RYR3: variants seen among roughly 807,000 people sequenced by gnomAD.
RYR3 encodes ryanodine receptor 3, also known as brain ryanodine receptor-calcium release channel.
Under a neutral mutation model 584.3 loss-of-function variants are expected in RYR3, and 207 were observed. The observed-to-expected ratio is 0.35, with a 90% confidence interval of 0.32 to 0.40. The LOEUF is 0.40. Among genes scored for constraint, RYR3 ranks in the 10% least tolerant of loss-of-function variants. RYR3 has a pLI of 1.00. For synonymous variants in RYR3, 2,416 were observed against 2,248.5 expected (o/e 1.07, Z -2.11); for missense variants, 5,616 against 6,089.2 (o/e 0.92, Z 2.59).
intron 22 of RYR3, among the ~76,000 whole-genome samples, chr15:33,630,672 A>C (rs1352348366): frequency 6.6e-6 from 1 of 152,212 alleles, no homozygotes; most frequent in African/African-American, 2.4e-5. Flanking sequence ...ATGGCTTTGT[A>C]CTTCATGGTT....
intron 1 of RYR3, among the ~76,000 whole-genome samples, chr15:33,391,596 A>G (rs940128553): frequency 6.6e-5 from 10 of 150,422 alleles, no homozygotes; most frequent in Non-Finnish European, 1.3e-4. Flanking sequence ...ACTGCAGTCC[A>G]GCCTGGGCGA....
At chr15:33,794,600 T>C (rs1232518147) in intron 67 of RYR3, among the ~76,000 whole-genome samples, 1 of 152,078 alleles carries the variant, frequency 6.6e-6, no homozygotes, top group Non-Finnish European at 1.5e-5. Flanking sequence ...AGACAGAGTA[T>C]GTTGTACTTA....
rs750760036 is a variant in RYR3 at position 33,738,504 on chromosome 15, T to C, written c.7570T>C (p.Trp2524Arg). Residue 2524 changes from tryptophan to arginine, a missense_variant, in exon 50 of 104, where the codon TGG (tryptophan) becomes CGG (arginine). Trp to Arg is a moderately radical substitution (Grantham distance 101, BLOSUM62 -3). Around this residue, in one of 9 missense-constraint regions of RYR3, gnomAD observed 1,280 missense variants for 1,426.2 expected, o/e 0.90. Transcript: ENST00000634891. ...CWKYYCLPSG[W>R]GSYGLAVEEE... ...GAAGTATTACTGCCTGCCTTCAGGATGGGGGAGCTACGGGCTAGCTGTGGA... is the reference window on the plus strand; with the variant it reads ...GAAGTATTACTGCCTGCCTTCAGGACGGGGGAGCTACGGGCTAGCTGTGGA... The C allele has an allele frequency of 1.8e-5, 29 of 1,613,798 alleles. No homozygotes were observed. Among genetic ancestry groups the C allele is most frequent in the Admixed American group, 3.3e-5 (2 of 59,990 alleles).
chr15:33,363,664 G>T (rs1269869279), intron 1 of RYR3, among the ~76,000 whole-genome samples: 2 of 152,132 alleles, frequency 1.3e-5, no homozygotes, highest in African/African-American at 2.4e-5. Flanking sequence ...CAATTTGCAG[G>T]TTGCCAATCA....
At chr15:33,348,161 C>T (rs571052644) in intron 1 of RYR3, among the ~76,000 whole-genome samples, 3 of 152,258 alleles carry the variant, frequency 2.0e-5, no homozygotes, top group Admixed American at 2.0e-4. Context: ...ATTCTACTCC[C>T]GCAGTGAGAA....
chr15:33,836,974 G>T lies in RYR3; in HGVS notation c.11637G>T (p.Leu3879=), dbSNP rs781516392. ...DLLQDMVVML[L]SLLEGNVVNG... ...TTCAGGACATGGTGGTGATGCTTCT[G>T]TCCCTCCTGGAAGGTTGGGCTGTTT... is the stretch of plus-strand genomic sequence containing the variant. Residue 3879 remains leucine (L), a synonymous_variant, in exon 88 of 104, where the codon CTG becomes CTT. Coordinates refer to ENST00000634891, the MANE Select transcript of RYR3 (RefSeq NM_001036.6). 6.2e-7 allele frequency: 1 copy of T among 1,613,280 alleles called. No homozygotes were observed. Among genetic ancestry groups the T allele is most frequent in the South Asian group, 1.1e-5 (1 of 90,820 alleles).
chr15:33,497,236 T>G (rs1297047087), intron 2 of RYR3, among the ~76,000 whole-genome samples: 2 of 152,180 alleles, frequency 1.3e-5, no homozygotes, highest in Admixed American at 1.3e-4. Flanking sequence ...CTGTCACCTT[T>G]CTGTTGGCCC....
intron 9 of RYR3, 78 bp downstream of exon 9, chr15:33,548,282 C>T: frequency 1.2e-6 from 1 of 836,058 alleles, no homozygotes; most frequent in Non-Finnish European, 1.9e-6. Context: ...ATATTTCATT[C>T]ATTCCACATC....
At chr15:33,655,846 C>T (rs2062797185) in intron 32 of RYR3, among the ~76,000 whole-genome samples, 1 of 152,170 alleles carries the variant, frequency 6.6e-6, no homozygotes, top group African/African-American at 2.4e-5. Flanking sequence ...TAGCCATTTT[C>T]ATTTTTCAAT....
chr15:33,811,332 C>T (rs1328116838), intron 72 of RYR3, among the ~76,000 whole-genome samples: 1 of 151,914 alleles, frequency 6.6e-6, no homozygotes. Flanking sequence ...GGTGAAACCC[C>T]GTCTGTACTA....
At chr15:33,796,185 A>C (rs971973392) in intron 67 of RYR3, among the ~76,000 whole-genome samples, 5 of 151,866 alleles carry the variant, frequency 3.3e-5, no homozygotes, top group Admixed American at 6.6e-5. Flanking sequence ...CCCAGGCTGG[A>C]GTGCAGTGGC....
chr15:33,500,192 T>A (rs112666070), intron 2 of RYR3, among the ~76,000 whole-genome samples: 1,816 of 152,300 alleles, frequency 0.012, 39 homozygotes, highest in African/African-American at 0.038. Context: ...TCAAGAACGA[T>A]ATAAGCCAAA....
chr15:33,784,040 T>C (rs919193896), intron 65 of RYR3, among the ~76,000 whole-genome samples: 1 of 152,228 alleles, frequency 6.6e-6, no homozygotes, highest in East Asian at 1.9e-4. Flanking sequence ...GCTCTAGTGA[T>C]AGCAACAAAA....
intron 1 of RYR3, among the ~76,000 whole-genome samples, chr15:33,439,358 C>T (rs1012279425): frequency 2.6e-5 from 4 of 152,050 alleles, no homozygotes; most frequent in East Asian, 1.9e-4. Context: ...AAAGGGGCTA[C>T]GTCAAGTGTT....
At chr15:33,396,372 A>G (rs1010977523) in intron 1 of RYR3, among the ~76,000 whole-genome samples, 1 of 152,148 alleles carries the variant, frequency 6.6e-6, no homozygotes, top group Non-Finnish European at 1.5e-5. Flanking sequence ...ACCTGTGCCC[A>G]ACAGTGACAA....
chr15:33,319,624 T>C (rs1968677463), intron 1 of RYR3, among the ~76,000 whole-genome samples: 1 of 152,248 alleles, frequency 6.6e-6, no homozygotes, highest in Non-Finnish European at 1.5e-5. Flanking sequence ...GTTTGCTATA[T>C]TTGGCAGCAT....
chr15:33,684,742 C>T (rs569292310), intron 38 of RYR3, among the ~76,000 whole-genome samples: 38 of 152,318 alleles, frequency 2.5e-4, no homozygotes, highest in African/African-American at 8.2e-4. Context: ...ATTAGACTAA[C>T]AATGGATCTC....
chr15:33,313,253 C>G (rs1235047728), intron 1 of RYR3, among the ~76,000 whole-genome samples: 1 of 152,168 alleles, frequency 6.6e-6, no homozygotes, highest in Non-Finnish European at 1.5e-5. Context: ...CACAGGAAAT[C>G]GAGTGACTTG....
At chr15:33,405,998 C>T (rs990674076) in intron 1 of RYR3, among the ~76,000 whole-genome samples, 2 of 152,212 alleles carry the variant, frequency 1.3e-5, no homozygotes, top group Non-Finnish European at 2.9e-5. Flanking sequence ...CTGAAAAGGA[C>T]TCTCAGTGGC....
Sources: allele counts gnomAD v4.1 joint callset (sites outside exome capture counted in the v4.1 genomes callset), GRCh38; gene constraint gnomAD v4.1.1; regional missense constraint gnomAD v4.1.1; transcripts MANE v1.5; gene names NCBI Gene and HGNC (gene_info 2026-07-23, HGNC 2026-07-21).